CPNE4: variants seen among roughly 807,000 people sequenced by gnomAD.
The protein encoded by CPNE4 is copine 4, also known as copine-4.
CPNE4 carries 25 observed loss-of-function variants against 67.9 expected under a neutral mutation model. The observed-to-expected ratio is 0.37, with a 90% confidence interval of 0.27 to 0.51. The LOEUF (loss-of-function observed/expected upper bound fraction) is 0.51. Ranked by LOEUF, CPNE4 falls within the 20% of genes least tolerant of loss-of-function variation. CPNE4 has a pLI of 0.93. For missense variants in CPNE4, 464 were observed against 690.8 expected (o/e 0.67, Z 3.68); for synonymous variants, 242 against 244.9 (o/e 0.99, Z 0.11).
intron 11 of CPNE4, among the ~76,000 whole-genome samples, chr3:131,559,297 T>C (rs1559895966): frequency 1.3e-5 from 2 of 152,052 alleles, no homozygotes; most frequent in Admixed American, 6.6e-5. Context: ...CATACACTTA[T>C]TTATAAGAAC....
At chr3:131,792,925 G>GTGTATATCTATA (rs58502463) in intron 2 of CPNE4, among the ~76,000 whole-genome samples, 154 of 135,234 alleles carry the variant, frequency 1.1e-3, no homozygotes, top group East Asian at 4.2e-3. Context: ...GTGTGTGTGT[G>GTGTATATCTATA]TATCTCCAAC....
At chr3:131,712,663 T>C (rs2081587671) in intron 3 of CPNE4, among the ~76,000 whole-genome samples, 1 of 152,250 alleles carries the variant, frequency 6.6e-6, no homozygotes, top group Non-Finnish European at 1.5e-5. Flanking sequence ...GTTATTAGAC[T>C]TCAACAAACT....
Position 131,743,912 on chromosome 3 carries a change from G to T in CPNE4, c.181-20287C>A, listed in dbSNP as rs1194944733. Among the ~76,000 whole-genome samples the T allele has an allele frequency of 2.5e-5, 3 of 118,966 alleles. No homozygotes were observed. The Admixed American group carries it at 3.6e-4, about 14-fold the overall frequency. 78.0% of individuals were successfully genotyped at this position (118,966 alleles called of 152,430 possible). A position where few individuals can be genotyped will look rare whatever the true frequency, so the allele number is the denominator to read the frequency against. On this transcript the variant is annotated intron_variant, in intron 2 of 15. Transcript: ENST00000429747. ...CGGGAGGCGGAGCTTGCAGTGAGCC[G>T]AGATCGCGCCACTGCACTCCAGCCT...
intron 15 of CPNE4, 96 bp from the exon 16 acceptor site, chr3:131,535,425 C>T: frequency 2.5e-6 from 3 of 1,197,706 alleles, no homozygotes; most frequent in Non-Finnish European, 3.4e-6. Context: ...AGCTAAGTTT[C>T]ATTCACTTTC....
At chr3:131,719,858 T>A (rs1406224876) in intron 3 of CPNE4, among the ~76,000 whole-genome samples, 1 of 152,232 alleles carries the variant, frequency 6.6e-6, no homozygotes, top group East Asian at 1.9e-4. Context: ...TGTTTTAGGC[T>A]AGGAAACCTT....
chr3:131,976,200 T>C (rs746733681), intron 1 of CPNE4, among the ~76,000 whole-genome samples: 2 of 151,810 alleles, frequency 1.3e-5, no homozygotes, highest in Non-Finnish European at 2.9e-5. Context: ...TGATTGTATA[T>C]GGGAAAGAAG....
chr3:131,943,416 G>T (rs552357356), intron 1 of CPNE4, among the ~76,000 whole-genome samples: 2 of 152,262 alleles, frequency 1.3e-5, no homozygotes, highest in Admixed American at 6.5e-5. Flanking sequence ...TAAATGAAAA[G>T]AGTTCTTACC....
intron 2 of CPNE4, among the ~76,000 whole-genome samples, chr3:131,842,730 T>TAAAAA (rs3041527): frequency 3.3e-5 from 4 of 121,840 alleles, no homozygotes; most frequent in Non-Finnish European, 3.3e-5. Flanking sequence ...TATTCTGTTG[T>TAAAAA]AAAAAAAAAA....
At chr3:131,798,246 G>A (rs2083974696) in intron 2 of CPNE4, among the ~76,000 whole-genome samples, 1 of 152,110 alleles carries the variant, frequency 6.6e-6, no homozygotes, top group African/African-American at 2.4e-5. Context: ...GACCTCAGGT[G>A]CTCTATCATT....
At position 131,905,250 on chromosome 3, in the gene CPNE4, T is replaced by C. The variant is rs764511726; in HGVS notation, c.180+14A>G. Reference sequence around the variant, plus strand: ...TCCAGCCATGGTTCTGTCCATTTCATTGGACATGCCTACCTCAAACCACTG... The same window carrying C: ...TCCAGCCATGGTTCTGTCCATTTCACTGGACATGCCTACCTCAAACCACTG... On this transcript the variant is annotated intron_variant, in intron 2 of 15. Transcript: ENST00000429747. 5.0e-6 allele frequency: 8 copies of C among 1,600,330 alleles called. No homozygotes were observed. Among genetic ancestry groups the C allele is most frequent in the African/African-American group, 4.0e-5 (3 of 74,518 alleles).
intron 2 of CPNE4, among the ~76,000 whole-genome samples, chr3:131,862,024 TC>T (rs763989401): frequency 9.2e-5 from 14 of 152,342 alleles, no homozygotes; most frequent in South Asian, 2.1e-4. Flanking sequence ...TTTATTCAAG[TC>T]CCAGTAGACA....
chr3:131,635,803 C>T (rs973469651), intron 7 of CPNE4, among the ~76,000 whole-genome samples: 1 of 152,054 alleles, frequency 6.6e-6, no homozygotes, highest in East Asian at 1.9e-4. Context: ...AGACTTATAC[C>T]GTGAACTTTT....
At chr3:131,792,647 G>GTA (rs200994347) in intron 2 of CPNE4, among the ~76,000 whole-genome samples, 1,050 of 43,790 alleles carry the variant, frequency 0.024, 63 homozygotes, top group Middle Eastern at 0.048. Flanking sequence ...GTGTATATAT[G>GTA]TATATATACA....
chr3:132,007,086 G>C (rs570867576), intron 1 of CPNE4, among the ~76,000 whole-genome samples: 4 of 152,192 alleles, frequency 2.6e-5, no homozygotes, highest in African/African-American at 9.6e-5. Flanking sequence ...ACCTCTACCA[G>C]GTGGATTTTT....
At chr3:131,724,328 A>G (rs1004854633) in intron 2 of CPNE4, among the ~76,000 whole-genome samples, 22 of 152,206 alleles carry the variant, frequency 1.4e-4, no homozygotes, top group Non-Finnish European at 4.4e-5. Context: ...TCTCATCAAC[A>G]AAATGAAAAT....
chr3:131,650,483 C>T (rs1426499635), intron 7 of CPNE4, among the ~76,000 whole-genome samples: 3 of 142,134 alleles, frequency 2.1e-5, no homozygotes, highest in Non-Finnish European at 4.4e-5. Context: ...TGCGGCCGGG[C>T]GCGGTGGCTC....
At chr3:131,544,499 T>G (rs190872533) in intron 14 of CPNE4, among the ~76,000 whole-genome samples, 1 of 152,318 alleles carries the variant, frequency 6.6e-6, no homozygotes, top group African/African-American at 2.4e-5. Context: ...CACTCACCCC[T>G]AGTCCTAGCT....
intron 2 of CPNE4, among the ~76,000 whole-genome samples, chr3:131,843,746 G>T (rs1193869836): frequency 2.6e-5 from 4 of 152,126 alleles, no homozygotes; most frequent in Admixed American, 2.0e-4. Context: ...AGGATGAAAT[G>T]ATACTCCATA....
At chr3:131,930,631 G>T (rs576485980) in intron 1 of CPNE4, among the ~76,000 whole-genome samples, 2 of 152,044 alleles carry the variant, frequency 1.3e-5, no homozygotes, top group African/African-American at 4.8e-5. Flanking sequence ...CCTATTAAGC[G>T]CTTAGTACAG....
Sources: allele counts gnomAD v4.1 joint callset (sites outside exome capture counted in the v4.1 genomes callset), GRCh38; gene constraint gnomAD v4.1.1; transcripts MANE v1.5; gene names NCBI Gene and HGNC (gene_info 2026-07-23, HGNC 2026-07-21).